FUT8: variants seen among roughly 807,000 people sequenced by gnomAD.
The protein encoded by FUT8 is alpha-(1,6)-fucosyltransferase.
In FUT8, 29 loss-of-function variants were observed where a neutral mutation model predicts 71.3. The observed-to-expected ratio is 0.41, with a 90% confidence interval of 0.30 to 0.55. The LOEUF is 0.55. Ranked by LOEUF, FUT8 falls within the 20% of genes least tolerant of loss-of-function variation. The pLI is 0.34. For synonymous variants in FUT8, 254 were observed against 239.3 expected (o/e 1.06, Z -0.57); for missense variants, 544 against 702.1 (o/e 0.77, Z 2.55).
chr14:65,716,344 A>G lies in FUT8; in HGVS notation c.836-5431A>G, dbSNP rs115236736. 3.6e-3 allele frequency among the ~76,000 whole-genome samples: 525 copies of G among 147,030 alleles called. 2 individuals are homozygous for G. The highest frequency in any genetic ancestry group is 0.012 in the African/African-American group (500 of 40,280). On this transcript the variant is annotated intron_variant, in intron 7 of 10. Coordinates refer to ENST00000673929, the MANE Select transcript of FUT8 (RefSeq NM_001371533.1). ...TATAATTATTATATCTTCTTGATGAATTGATCCCTTTATCATTATATAGTG... is the reference window on the plus strand; with the variant it reads ...TATAATTATTATATCTTCTTGATGAGTTGATCCCTTTATCATTATATAGTG...
chr14:65,450,327 T>C (rs563231819), intron 1 of FUT8, among the ~76,000 whole-genome samples: 1 of 152,316 alleles, frequency 6.6e-6, no homozygotes, highest in South Asian at 2.1e-4. Flanking sequence ...CATTTTTCTT[T>C]CTTTATGCTT....
chr14:65,497,474 C>T (rs528635145), intron 2 of FUT8, among the ~76,000 whole-genome samples: 3 of 152,100 alleles, frequency 2.0e-5, no homozygotes, highest in Non-Finnish European at 2.9e-5. Flanking sequence ...TTCTTATTCT[C>T]TATGAAGTTT....
At chr14:65,464,624 T>C (rs908571573) in intron 2 of FUT8, among the ~76,000 whole-genome samples, 1 of 152,100 alleles carries the variant, frequency 6.6e-6, no homozygotes, top group Non-Finnish European at 1.5e-5. Flanking sequence ...GATCTGATTG[T>C]ATGATTTTTT....
At chr14:65,703,473 A>G (rs1181654050) in intron 7 of FUT8, among the ~76,000 whole-genome samples, 1 of 152,256 alleles carries the variant, frequency 6.6e-6, no homozygotes, top group Non-Finnish European at 1.5e-5. Flanking sequence ...CTATGCCACC[A>G]GAAGCTATAG....
intron 7 of FUT8, among the ~76,000 whole-genome samples, chr14:65,678,465 T>A (rs1035214036): frequency 6.6e-5 from 10 of 152,320 alleles, no homozygotes; most frequent in African/African-American, 2.4e-4. Flanking sequence ...GGTTGCCTTC[T>A]TAGCTAGAGC....
intron 2 of FUT8, among the ~76,000 whole-genome samples, chr14:65,537,380 T>G (rs1884389486): frequency 6.6e-6 from 1 of 151,540 alleles, no homozygotes; most frequent in African/African-American, 2.4e-5. Context: ...ACTATGATTA[T>G]TATTATTATT....
At position 65,607,721 on chromosome 14, in the gene FUT8, C is replaced by G. The variant is rs571178128; in HGVS notation, c.204-8257C>G. On this transcript the variant is annotated intron_variant, in intron 3 of 10. Coordinates refer to ENST00000673929, the MANE Select transcript of FUT8 (RefSeq NM_001371533.1). This position sits in a 1 kb window ranked among gnomAD's most constrained non-coding sequence, Gnocchi z 4.1. ...AGAATTTCCTCTCTTTTTATATTTC[C>G]TAGATTTTGATTCGATGTTTTATGA... is the stretch of plus-strand genomic sequence containing the variant. Among the ~76,000 whole-genome samples the G allele has an allele frequency of 2.6e-5, 4 of 151,724 alleles. No homozygotes were observed. In the South Asian group the frequency reaches 6.3e-4, roughly 24 times the overall value.
At chr14:65,646,741 AGC>A (rs1891143838) in intron 6 of FUT8, 2 of 151,642 alleles carry the variant, frequency 1.3e-5, no homozygotes, top group Admixed American at 6.6e-5. Flanking sequence ...CTAATTGCCT[AGC>A]TAAGGGTAGA....
At position 65,466,930 on chromosome 14, in the gene FUT8, T is replaced by G. The variant is rs199873633; in HGVS notation, c.-228+11212T>G. On this transcript the variant is annotated intron_variant, in intron 2 of 10. Transcript: ENST00000673929. ...TTCCCATTCCTTATAACATTACTTT[T>G]ATTTGTTTTACTTTTCCATAATTTA... Among the ~76,000 whole-genome samples the G allele has an allele frequency of 3.9e-5, 6 of 152,334 alleles. No individual in the cohort carries two copies. In the East Asian group the frequency reaches 9.6e-4, roughly 24 times the overall value.
chr14:65,673,913 A>G (rs1480104683), intron 7 of FUT8, among the ~76,000 whole-genome samples: 7 of 152,158 alleles, frequency 4.6e-5, no homozygotes, highest in African/African-American at 7.2e-5. Flanking sequence ...CAGAAGGAAA[A>G]TCTTTAGCAA....
chr14:65,482,961 G>A (rs1024962280), intron 2 of FUT8, among the ~76,000 whole-genome samples: 2 of 152,144 alleles, frequency 1.3e-5, no homozygotes, highest in African/African-American at 2.4e-5. Flanking sequence ...TAGGATGCAT[G>A]TTTTCACCAT....
chr14:65,700,603 G>A (rs926066087), intron 7 of FUT8, among the ~76,000 whole-genome samples: 4 of 151,900 alleles, frequency 2.6e-5, no homozygotes, highest in Non-Finnish European at 5.9e-5. Context: ...GTTTCACCGT[G>A]TTATCCAGGA....
intron 2 of FUT8, among the ~76,000 whole-genome samples, chr14:65,530,697 T>C (rs1883888022): frequency 6.6e-6 from 1 of 152,008 alleles, no homozygotes; most frequent in African/African-American, 2.4e-5. Context: ...AAAGTTGATA[T>C]AACTCTAATG....
chr14:65,721,666 C>A, intron 7 of FUT8, 109 bp from the exon 8 acceptor site: 1 of 1,078,454 alleles, frequency 9.3e-7, no homozygotes, highest in Non-Finnish European at 1.4e-6. Context: ...GAAGATTATA[C>A]TTCTTTAGAG....
intron 7 of FUT8, among the ~76,000 whole-genome samples, chr14:65,681,541 A>G (rs1893036354): frequency 6.6e-6 from 1 of 152,200 alleles, no homozygotes; most frequent in South Asian, 2.1e-4. Context: ...TTTTATTTCT[A>G]ATGTTTCCAG....
At chr14:65,664,161 C>T (rs1350336536) in intron 6 of FUT8, among the ~76,000 whole-genome samples, 10 of 152,046 alleles carry the variant, frequency 6.6e-5, no homozygotes, top group Admixed American at 5.9e-4. Flanking sequence ...TATTCAGGTA[C>T]TCTATTTCTC....
In FUT8 at chr14:65,652,898, C is replaced by T. The variant is rs1031054537; in HGVS notation, c.598-16345C>T. On this transcript the variant is annotated intron_variant, in intron 6 of 10. Coordinates refer to ENST00000673929, the MANE Select transcript of FUT8 (RefSeq NM_001371533.1). The surrounding 1 kb of genome is among the most constrained non-coding windows in gnomAD (Gnocchi z 4.0). ...GAAAGAGCCAAACATTTGGAGCATG[C>T]GATAGCAGGGGATCATTGGCCATCT... is the stretch of plus-strand genomic sequence containing the variant. 2.6e-5 allele frequency among the ~76,000 whole-genome samples: 4 copies of T among 152,134 alleles called. No individual in the cohort carries two copies. The highest frequency in any genetic ancestry group is 4.8e-5 in the African/African-American group (2 of 41,418).
rs1336702837 is a variant in FUT8 at position 65,690,955 on chromosome 14, A to C, written c.835+21475A>C. On this transcript the variant is annotated intron_variant, in intron 7 of 10. Coordinates refer to ENST00000673929, the MANE Select transcript of FUT8 (RefSeq NM_001371533.1). ...TGGCCAGGCTGGTCTCAAACTCCTG[A>C]CCTCAGGTGATCTACCTGCCTCGGC... Among the ~76,000 whole-genome samples, 9 of 144,688 alleles carry C rather than the reference A, an allele frequency of 6.2e-5. 1 individual carries two copies. The highest frequency in any genetic ancestry group is 2.3e-4 in the African/African-American group (8 of 34,542). 94.9% of individuals were successfully genotyped at this position (144,688 alleles called of 152,430 possible).
chr14:65,464,259 GTTT>G (rs3084724), intron 2 of FUT8, among the ~76,000 whole-genome samples: 2 of 116,558 alleles, frequency 1.7e-5, no homozygotes, highest in African/African-American at 6.5e-5. Context: ...AGTACTTTGG[GTTT>G]TTTTTTTTTT....
Sources: allele counts gnomAD v4.1 joint callset (sites outside exome capture counted in the v4.1 genomes callset), GRCh38; gene constraint gnomAD v4.1.1; non-coding constraint Gnocchi (gnomAD v3.1); transcripts MANE v1.5; gene names NCBI Gene and HGNC (gene_info 2026-07-23, HGNC 2026-07-21).